The following PLEKHA3 variants were observed in gnomAD, a reference collection of about 807,000 sequenced individuals.
The protein encoded by PLEKHA3 is pleckstrin homology domain containing A3.
In PLEKHA3, 19 loss-of-function variants were observed where a neutral mutation model predicts 39.2. The observed-to-expected ratio is 0.48, with a 90% CI of 0.34 to 0.71. The LOEUF (loss-of-function observed/expected upper bound fraction) is 0.71. Among genes scored for constraint, PLEKHA3 ranks in the 30% least tolerant of loss-of-function variants. The pLI, the probability that PLEKHA3 is intolerant of heterozygous loss-of-function variation, is 0.01. For missense variants in PLEKHA3, 253 were observed against 359.5 expected, an observed-to-expected ratio of 0.70 and a Z score of 2.40; for synonymous variants, 97 against 118.6, an observed-to-expected ratio of 0.82 and a Z score of 1.18.
Position 178,501,158 on chromosome 2 carries a change from C to A in PLEKHA3, c.757C>A (p.Pro253Thr), listed in dbSNP as rs780507276. ...AGATACAGATTCTTGTAGTGATATT[C>A]CTCTTGAAGACCCAGATAGTAAGTG... ...YSDTDSCSDI[P>T]LEDPDRPVHC... Residue 253 changes from proline to threonine, a missense_variant, in exon 7 of 8, where the codon CCT becomes ACT. By Grantham distance (38) the Pro-to-Thr change is conservative (BLOSUM62 -1). This residue lies in a region of PLEKHA3 where 127 missense variants were observed against 136.8 expected (regional missense o/e 0.93). Coordinates refer to ENST00000234453, the MANE Select transcript of PLEKHA3 (RefSeq NM_019091.4). The A allele has an allele frequency of 1.2e-6, 2 of 1,611,922 alleles. No homozygotes were observed. Among genetic ancestry groups the A allele is most frequent in the Non-Finnish European group, 1.7e-6 (2 of 1,178,600 alleles).
rs1207010174 is a variant in PLEKHA3, at chr2:178,505,022, A to G, written c.*1135A>G. 1 of 152,544 alleles carries G rather than the reference A, an allele frequency of 6.6e-6. No homozygotes were observed. The highest frequency in any genetic ancestry group is 1.5e-5 in the Non-Finnish European group (1 of 67,862). 9.4% of individuals were successfully genotyped at this position (152,544 alleles called of 1,614,324 possible). A position where few individuals can be genotyped will look rare whatever the true frequency, so the allele number is the denominator to read the frequency against. ...CTGGTGTGTTGTTTTTAAGTTAATC[A>G]TATGTTTAATAAATGCGTGGTTTTT... On this transcript the variant is annotated 3_prime_UTR_variant, in exon 8 of 8. Transcript: ENST00000234453.
At chr2:178,485,544 A>G in intron 1 of PLEKHA3, 97 bp from the exon 2 acceptor site, 2 of 758,610 alleles carry the variant, frequency 2.6e-6, no homozygotes, top group Non-Finnish European at 4.5e-6. Context: ...TTGAGAGCCA[A>G]GAAATAATGT....
chr2:178,493,493 C>T (rs1044011042), intron 3 of PLEKHA3, among the ~76,000 whole-genome samples: 23 of 152,068 alleles, frequency 1.5e-4, no homozygotes, highest in Non-Finnish European at 1.3e-4. Context: ...GAAAAACCAA[C>T]ATCAGAACTG....
intron 1 of PLEKHA3, among the ~76,000 whole-genome samples, chr2:178,482,395 T>C (rs112850921): frequency 6.6e-6 from 1 of 151,800 alleles, no homozygotes; most frequent in Non-Finnish European, 1.5e-5. Context: ...AAAAAACAGC[T>C]AGGTGTGGTA....
In PLEKHA3 at chr2:178,516,191, G is replaced by A. The variant is rs1031432327; in HGVS notation, c.*12304G>A. The A allele has an allele frequency of 1.3e-5, 2 of 152,052 alleles. No homozygotes were observed. The highest frequency in any genetic ancestry group is 2.4e-5 in the African/African-American group (1 of 41,536). The allele number at this position is 152,052 out of a possible 1,614,324, so 9.4% of individuals were successfully genotyped here. ...GGAAATAATGGAATTGGTTTAAAAA[G>A]CTAGTCTCTAAATTAACTTAGAAAC... is the stretch of plus-strand genomic sequence containing the variant. On this transcript the variant is annotated 3_prime_UTR_variant, in exon 8 of 8. Transcript: ENST00000234453.
At chr2:178,492,253 A>G (rs1685359295) in intron 3 of PLEKHA3, among the ~76,000 whole-genome samples, 1 of 152,204 alleles carries the variant, frequency 6.6e-6, no homozygotes, top group Non-Finnish European at 1.5e-5. Context: ...ATTTTGAAAT[A>G]TATGAAAACA....
chr2:178,481,464 C>T (rs377587559), intron 1 of PLEKHA3, among the ~76,000 whole-genome samples: 3 of 152,070 alleles, frequency 2.0e-5, no homozygotes, highest in African/African-American at 4.8e-5. Flanking sequence ...AGTATCCTTA[C>T]GTTGGGGAAT....
Position 178,507,059 on chromosome 2 carries a change from C to G in PLEKHA3, c.*3172C>G, listed in dbSNP as rs1284293504. On this transcript the variant is annotated 3_prime_UTR_variant, in exon 8 of 8. Coordinates refer to ENST00000234453, the MANE Select transcript of PLEKHA3 (RefSeq NM_019091.4). ...TTATAGTGAAAAAGTGTAGTTCCCT[C>G]TTCCCCAGTTTAGCATTCCAAAGAC... 3 of 152,116 alleles carry G rather than the reference C, an allele frequency of 2.0e-5. No homozygotes were observed. The highest frequency in any genetic ancestry group is 7.2e-5 in the African/African-American group (3 of 41,414). The allele number at this position is 152,116 out of a possible 1,614,324, so 9.4% of individuals were successfully genotyped here.
Position 178,502,940 on chromosome 2 carries a change from G to A in PLEKHA3, c.776-820G>A, listed in dbSNP as rs115982444. On this transcript the variant is annotated intron_variant, in intron 7 of 7. Transcript: ENST00000234453. ...TTATACTAGTTTAGTGTTTCAATTA[G>A]CTGACAAAGCAAAGATTGAATTAGT... Among the ~76,000 whole-genome samples the A allele has an allele frequency of 5.5e-3, 834 of 151,998 alleles. 9 individuals are homozygous for A. Among genetic ancestry groups the A allele is most frequent in the African/African-American group, 0.019 (769 of 41,496 alleles).
chr2:178,491,010 CT>C (rs1204723389), intron 3 of PLEKHA3, among the ~76,000 whole-genome samples, 196 bp downstream of exon 3: 2,154 of 129,502 alleles, frequency 0.017, 72 homozygotes, highest in Admixed American at 0.11. Flanking sequence ...CTCTTTCTTT[CT>C]TTTTTTTTTT....
intron 2 of PLEKHA3, among the ~76,000 whole-genome samples, chr2:178,487,035 G>T (rs1312256350): frequency 6.6e-6 from 1 of 152,218 alleles, no homozygotes; most frequent in Non-Finnish European, 1.5e-5. Context: ...TTGGAGGAGA[G>T]AAATTGGGCT....
rs1226653390 is a variant in PLEKHA3 at position 178,513,488 on chromosome 2, C to G, written c.*9601C>G. The G allele has an allele frequency of 6.6e-6, 1 of 152,088 alleles. No homozygotes were observed. Among genetic ancestry groups the G allele is most frequent in the Non-Finnish European group, 1.5e-5 (1 of 68,038 alleles). The allele number at this position is 152,088 out of a possible 1,614,324, so 9.4% of individuals were successfully genotyped here. The stretch of plus-strand genomic sequence containing the variant: ...CTGTGGATTGCTTTTTTCTGGATAG[C>G]TAGAACGAGGCCATTTTCTTTCAAA... On this transcript the variant is annotated 3_prime_UTR_variant, in exon 8 of 8. Coordinates refer to ENST00000234453, the MANE Select transcript of PLEKHA3 (RefSeq NM_019091.4).
rs1210616481 is a variant in PLEKHA3 at position 178,516,404 on chromosome 2, T to C, written c.*12517T>C. On this transcript the variant is annotated 3_prime_UTR_variant, in exon 8 of 8. Transcript: ENST00000234453. ...TACTCTATATTTTTGTCATAAAAAT[T>C]CTGCTTGTCGAAAATATTGTAGTAA... The C allele has an allele frequency of 4.6e-5, 7 of 152,156 alleles. No individual in the cohort carries two copies. Among genetic ancestry groups the C allele is most frequent in the Non-Finnish European group, 1.0e-4 (7 of 68,034 alleles). The allele number at this position is 152,156 out of a possible 1,614,324, so 9.4% of individuals were successfully genotyped here.
At position 178,480,766 on chromosome 2, in the gene PLEKHA3, A is replaced by G. The variant is rs948854265; in HGVS notation, c.-104A>G. 4.5e-5 allele frequency: 46 copies of G among 1,019,860 alleles called. No homozygotes were observed. Among genetic ancestry groups the G allele is most frequent in the African/African-American group, 6.7e-5 (4 of 59,936 alleles). 63.2% of individuals were successfully genotyped at this position (1,019,860 alleles called of 1,614,324 possible). On this transcript the variant is annotated 5_prime_UTR_variant, in exon 1 of 8. Transcript: ENST00000234453. ...GCAGAAAGCGGCTTCGTGCCGGCGG[A>G]GGGGGCCCGGGCGGGCCGGGAGGGG...
chr2:178,489,996 TTGA>T (rs1685318699), intron 2 of PLEKHA3, among the ~76,000 whole-genome samples: 1 of 152,220 alleles, frequency 6.6e-6, no homozygotes, highest in Non-Finnish European at 1.5e-5. Context: ...TAAATATTTG[TTGA>T]TGAATGACAG....
chr2:178,483,478 CA>C (rs1242722432), intron 1 of PLEKHA3, among the ~76,000 whole-genome samples: 2 of 152,016 alleles, frequency 1.3e-5, no homozygotes, highest in Non-Finnish European at 2.9e-5. Flanking sequence ...AGATAATTAA[CA>C]GGCTTGATTA....
rs13023576 is a variant in PLEKHA3 at position 178,507,506 on chromosome 2, C to G, written c.*3619C>G. 6.6e-6 allele frequency: 1 copy of G among 152,210 alleles called. No homozygotes were observed. The highest frequency in any genetic ancestry group is 1.5e-5 in the Non-Finnish European group (1 of 68,000). 9.4% of individuals were successfully genotyped at this position (152,210 alleles called of 1,614,324 possible). A position where few individuals can be genotyped will look rare whatever the true frequency, so the allele number is the denominator to read the frequency against. On this transcript the variant is annotated 3_prime_UTR_variant, in exon 8 of 8. Transcript: ENST00000234453. Reference sequence around the variant, plus strand: ...AACATCAGATAATCGTATCAATTCTCTTAAAAAAGTTTTTAAAAATATTTT... The same window carrying G: ...AACATCAGATAATCGTATCAATTCTGTTAAAAAAGTTTTTAAAAATATTTT...
Position 178,507,671 on chromosome 2 carries a change from T to TTTG in PLEKHA3, c.*3786_*3787insGTT, listed in dbSNP as rs1685625443. 1 of 105,324 alleles carries TTTG rather than the reference T, an allele frequency of 9.5e-6. No individual in the cohort carries two copies. The highest frequency in any genetic ancestry group is 1.8e-5 in the Non-Finnish European group (1 of 56,632). The allele number at this position is 105,324 out of a possible 1,614,324, so 6.5% of individuals were successfully genotyped here. A position where few individuals can be genotyped will look rare whatever the true frequency, so the allele number is the denominator to read the frequency against. Reference sequence around the variant, plus strand: ...GTCTCACATTAGGTTTTTTTTTTTTTTTTTTTTTTTTTTTTTTTTTTTTGG... The same window carrying TTTG: ...GTCTCACATTAGGTTTTTTTTTTTTTTTGTTTTTTTTTTTTTTTTTTTTTTTGG... On this transcript the variant is annotated 3_prime_UTR_variant, in exon 8 of 8. Transcript: ENST00000234453.
chr2:178,494,103 C>T, intron 4 of PLEKHA3, 114 bp downstream of exon 4: 1 of 1,229,666 alleles, frequency 8.1e-7, no homozygotes, highest in Non-Finnish European at 1.1e-6. Context: ...TTCAGCTTTT[C>T]TGGGTTCTGC....
Sources: gnomAD v4.1 joint callset for allele counts (sites outside exome capture counted in the v4.1 genomes callset) on GRCh38, gnomAD v4.1.1 for gene constraint, gnomAD v4.1.1 regional missense constraint, MANE v1.5 for transcripts, NCBI Gene and HGNC (gene_info 2026-07-23, HGNC 2026-07-21) for gene names.